PFKFB3: variants seen among roughly 807,000 people sequenced by gnomAD.
PFKFB3 encodes the protein 6-phosphofructo-2-kinase/fructose-2,6-bisphosphatase 3.
PFKFB3 carries 33 observed loss-of-function variants against 68.0 expected under a neutral mutation model. The observed-to-expected ratio is 0.49, with a 90% CI of 0.37 to 0.65. The LOEUF (loss-of-function observed/expected upper bound fraction) is 0.65. Among genes scored for constraint, PFKFB3 ranks in the 30% least tolerant of loss-of-function variants. PFKFB3 has a pLI of 0.00. For synonymous variants in PFKFB3, 315 were observed against 288.2 expected, an observed-to-expected ratio of 1.09 and a Z score of -0.94; for missense variants, 586 against 712.2, an observed-to-expected ratio of 0.82 and a Z score of 2.02.
intron 14 of PFKFB3, among the ~76,000 whole-genome samples, chr10:6,242,622 C>G (rs1265194052): frequency 6.6e-6 from 1 of 151,318 alleles, no homozygotes; most frequent in Admixed American, 6.6e-5. Context: ...GAGTCTCGCT[C>G]TGTTGCCCAG....
intron 1 of PFKFB3, among the ~76,000 whole-genome samples, chr10:6,155,504 G>A (rs568698282): frequency 7.2e-5 from 11 of 151,938 alleles, no homozygotes; most frequent in Non-Finnish European, 1.6e-4. Flanking sequence ...GCACCTGGCC[G>A]AGTTTTTTCA....
At chr10:6,269,023 C>CAAA in the PFKFB3 span, among the ~76,000 whole-genome samples, 2 of 93,184 alleles carry the variant, frequency 2.1e-5, no homozygotes, top group South Asian at 3.6e-4. Context: ...GATCCTGTCT[C>CAAA]AAAAAAAAAA....
intron 1 of PFKFB3, among the ~76,000 whole-genome samples, chr10:6,191,456 G>T (rs1228732753): frequency 6.6e-6 from 1 of 152,222 alleles, no homozygotes; most frequent in Non-Finnish European, 1.5e-5. Flanking sequence ...TAATATAGCA[G>T]TTCTAGACTC....
chr10:6,281,345 T>A, the PFKFB3 span, among the ~76,000 whole-genome samples: 2 of 151,710 alleles, frequency 1.3e-5, no homozygotes, highest in African/African-American at 4.8e-5. Context: ...TAACTTTACT[T>A]ACTAACACAG....
At chr10:6,156,910 G>A (rs1362479572) in intron 1 of PFKFB3, among the ~76,000 whole-genome samples, 1 of 151,408 alleles carries the variant, frequency 6.6e-6, no homozygotes, top group Non-Finnish European at 1.5e-5. Context: ...TGGGCAACAT[G>A]GCAAACCCTC....
intron 1 of PFKFB3, chr10:6,149,845 T>C (rs372196951): frequency 6.5e-6 from 1 of 152,750 alleles, no homozygotes; most frequent in East Asian, 1.9e-4. Flanking sequence ...TGCTAGAACC[T>C]CCAAACAAGC....
chr10:6,300,746 C>T, the PFKFB3 span, among the ~76,000 whole-genome samples: 1 of 152,098 alleles, frequency 6.6e-6, no homozygotes, highest in Non-Finnish European at 1.5e-5. Context: ...TTGAGTGCAG[C>T]TGGGTTTGAT....
rs574762678 is a variant in PFKFB3, at chr10:6,164,723, CAT to C, written c.16+19711_16+19712del. ...GGTGGGGAGAAGGTCAGCAGGGAAA[CAT>C]GTGAGCAAAGGAATCTGTATCATGA... is the stretch of plus-strand genomic sequence containing the variant. On this transcript the variant is annotated intron_variant, in intron 1 of 14. Coordinates refer to the PFKFB3 transcript ENST00000379789. Among the ~76,000 whole-genome samples the C allele has an allele frequency of 3.8e-3, 584 of 152,178 alleles. 2 individuals carry two copies. The highest frequency in any genetic ancestry group is 6.8e-3 in the Middle Eastern group (2 of 294).
At position 6,207,605 on chromosome 10, in the gene PFKFB3, T is replaced by A. The variant is rs760839642; in HGVS notation, c.76+4269T>A. Among the ~76,000 whole-genome samples the A allele has an allele frequency of 3.0e-4, 46 of 152,232 alleles. 1 individual carries two copies. Among genetic ancestry groups the A allele is most frequent in the Non-Finnish European group, 6.0e-4 (41 of 68,032 alleles). On this transcript the variant is annotated intron_variant, in intron 1 of 14. Transcript: ENST00000379775. ...CCATTCCCAGCCTCCCTGAGGTTTA[T>A]TGCTGAAGAGGGTGTCTAGGACCCT... is the stretch of plus-strand genomic sequence containing the variant.
At chr10:6,199,658 A>ATCTTTTTTTTTTTTTTTTTTTTTT (rs1843269954), upstream of PFKFB3, among the ~76,000 whole-genome samples, 1 of 75,584 alleles carries the variant, frequency 1.3e-5, no homozygotes, top group Non-Finnish European at 2.3e-5. Flanking sequence ...CTATTTTTAA[A>ATCTTTTTTTTTTTTTTTTTTTTTT]TTTTTTTTTT....
At chr10:6,208,577 A>G (rs902658709) in intron 1 of PFKFB3, among the ~76,000 whole-genome samples, 4 of 151,840 alleles carry the variant, frequency 2.6e-5, no homozygotes, top group African/African-American at 9.7e-5. Context: ...TGGGTGGGTG[A>G]TGTCCTAGAG....
chr10:6,179,580 A>G (rs1842646097), intron 1 of PFKFB3, among the ~76,000 whole-genome samples: 1 of 152,088 alleles, frequency 6.6e-6, no homozygotes, highest in Non-Finnish European at 1.5e-5. Context: ...GTTGCTGTCC[A>G]TGGGGGTCGT....
In PFKFB3 at chr10:6,209,878, G is replaced by T. The variant is rs572460235; in HGVS notation, c.77-3745G>T. ...CTCCCAGGTTCACGCCATTCTCCTG[G>T]CTTAGCCTCCTGAGTAGCTGGGACT... On this transcript the variant is annotated intron_variant, in intron 1 of 14. Transcript: ENST00000379775. Among the ~76,000 whole-genome samples the T allele has an allele frequency of 7.5e-4, 112 of 148,650 alleles. No individual in the cohort carries two copies. In the Middle Eastern group the frequency reaches 0.015, roughly 20 times the overall value.
rs549029645 is a variant in PFKFB3 at position 6,210,508 on chromosome 10, C to T, written c.77-3115C>T. Among the ~76,000 whole-genome samples, 12 of 115,116 alleles carry T rather than the reference C, an allele frequency of 1.0e-4. 3 individuals carry two copies. The East Asian group carries it at 1.3e-3, about 13-fold the overall frequency. 75.5% of individuals were successfully genotyped at this position (115,116 alleles called of 152,430 possible). ...CCCGAGTAGCTGGGACTACAGGCGC[C>T]CGCCAACATGGCCGGCTAATTTTTT... On this transcript the variant is annotated intron_variant, in intron 1 of 14. Coordinates refer to ENST00000379775, the MANE Select transcript of PFKFB3 (RefSeq NM_004566.4).
At chr10:6,273,099 C>T in the PFKFB3 span, among the ~76,000 whole-genome samples, 47,923 of 148,270 alleles carry the variant, frequency 0.32, 7,967 homozygotes, top group East Asian at 0.49. Context: ...CTCTGCCTCC[C>T]GGGTTCAAGC....
rs891353817 is a variant in PFKFB3, at chr10:6,229,469, G to A, written c.1515+3104G>A. On this transcript the variant is annotated intron_variant, in intron 14 of 14. Coordinates refer to ENST00000379775, the MANE Select transcript of PFKFB3 (RefSeq NM_004566.4). This position sits in a 1 kb window ranked among gnomAD's most constrained non-coding sequence, Gnocchi z 4.3. Reference sequence around the variant, plus strand: ...GCTGCTGTCCTGAGGCCCCTGCCCTGTGACCCGCAAGGCATGGGCAGCTGT... The same window carrying A: ...GCTGCTGTCCTGAGGCCCCTGCCCTATGACCCGCAAGGCATGGGCAGCTGT... Among the ~76,000 whole-genome samples, 1 of 152,230 alleles carries A rather than the reference G, an allele frequency of 6.6e-6. No individual in the cohort carries two copies. Among genetic ancestry groups the A allele is most frequent in the African/African-American group, 2.4e-5 (1 of 41,452 alleles).
intron 6 of PFKFB3, among the ~76,000 whole-genome samples, chr10:6,218,754 T>G (rs11257349): frequency 0.061 from 9,266 of 152,204 alleles, 328 homozygotes; most frequent in East Asian, 0.12. Context: ...TTTTTAAGTG[T>G]GCAGTACAGC....
At chr10:6,178,295 G>T (rs987561861) in intron 1 of PFKFB3, among the ~76,000 whole-genome samples, 3 of 152,152 alleles carry the variant, frequency 2.0e-5, no homozygotes, top group East Asian at 1.9e-4. Context: ...CACTGTGTGG[G>T]GCGCCCCTGC....
chr10:6,233,109 T>A lies in PFKFB3; in HGVS notation c.*167T>A. The A allele has an allele frequency of 1.6e-6, 1 of 616,042 alleles. No homozygotes were observed. Among genetic ancestry groups the A allele is most frequent in the Non-Finnish European group, 2.9e-6 (1 of 346,494 alleles). The allele number at this position is 616,042 out of a possible 1,614,324, so 38.2% of individuals were successfully genotyped here. On this transcript the variant is annotated 3_prime_UTR_variant, in exon 15 of 15. Coordinates refer to ENST00000379775, the MANE Select transcript of PFKFB3 (RefSeq NM_004566.4). ...CATGCTTGGCACCGTCTGTGTCCCC[T>A]CGGCCGCTGGACACCAGAAAGCCAC...
Sources: gnomAD v4.1 joint callset for allele counts (sites outside exome capture counted in the v4.1 genomes callset) on GRCh38, gnomAD v4.1.1 for gene constraint, Gnocchi (gnomAD v3.1) non-coding constraint, MANE v1.5 for transcripts, NCBI Gene and HGNC (gene_info 2026-07-23, HGNC 2026-07-21) for gene names.